The following XPR1 variants were observed in gnomAD, a reference collection of about 807,000 sequenced individuals.
The protein encoded by XPR1 is xenotropic and polytropic retrovirus receptor 1.
A neutral mutation model predicts 87.5 loss-of-function variants in XPR1; 28 were observed. The ratio of observed to expected loss-of-function variants is 0.32; its 90% confidence interval spans 0.24 to 0.44. XPR1 has a LOEUF of 0.44. XPR1 is among the 20% of genes least tolerant of loss of function. The pLI is 1.00. For missense variants in XPR1, 559 were observed against 862.3 expected, an observed-to-expected ratio of 0.65 and a Z score of 4.41; for synonymous variants, 300 against 306.1, an observed-to-expected ratio of 0.98 and a Z score of 0.21.
At chr1:180,649,312 G>A (rs1055016395) in intron 1 of XPR1, among the ~76,000 whole-genome samples, 4 of 151,792 alleles carry the variant, frequency 2.6e-5, no homozygotes, top group Non-Finnish European at 5.9e-5. Flanking sequence ...GGCGCCTGTA[G>A]TCCCAGCTAC....
At chr1:180,810,572 A>G (rs952344522) in intron 6 of XPR1, among the ~76,000 whole-genome samples, 1 of 151,638 alleles carries the variant, frequency 6.6e-6, no homozygotes, top group Admixed American at 6.6e-5. Context: ...GGACGAGACC[A>G]TGTCTCAGAA....
chr1:180,873,873 C>T lies in XPR1; in HGVS notation c.1739C>T (p.Thr580Ile), dbSNP rs1189976305. 1.9e-6 allele frequency: 3 copies of T among 1,614,172 alleles called. No individual in the cohort carries two copies. The Admixed American group carries it at 5.0e-5, about 27-fold the overall frequency. ...RFAWTIQISI[T>I]STTLLPHSGD... The stretch of plus-strand genomic sequence containing the variant: ...GCTTGGACTATCCAAATCTCGATTA[C>T]CTCTACAACTTTGTTGCCTCATTCT... The change falls in exon 13 of 15, where the codon ACC becomes ATC. Residue 580 changes from threonine to isoleucine, a missense_variant. Transcript: ENST00000367590.
chr1:180,812,702 G>A (rs1355381206), intron 7 of XPR1, among the ~76,000 whole-genome samples: 1 of 149,234 alleles, frequency 6.7e-6, no homozygotes, highest in Non-Finnish European at 1.5e-5. Context: ...GGTCTGGGGT[G>A]CAGTGGTCCG....
chr1:180,888,877 A>T lies in XPR1; in HGVS notation c.*4811A>T, dbSNP rs918895236. 2 of 152,348 alleles carry T rather than the reference A, an allele frequency of 1.3e-5. No individual in the cohort carries two copies. Among genetic ancestry groups the T allele is most frequent in the South Asian group, 4.1e-4 (2 of 4,828 alleles). The allele number at this position is 152,348 out of a possible 1,614,324, so 9.4% of individuals were successfully genotyped here. On this transcript the variant is annotated 3_prime_UTR_variant, in exon 15 of 15. Coordinates refer to ENST00000367590, the MANE Select transcript of XPR1 (RefSeq NM_004736.4). ...TTGCACTGGTTGGTGTTACAAACCA[A>T]TGATCTAACCAGCATACTCTCCAAA...
intron 11 of XPR1, among the ~76,000 whole-genome samples, chr1:180,849,834 G>GA (rs935076268): frequency 2.6e-5 from 4 of 152,256 alleles, no homozygotes; most frequent in African/African-American, 9.6e-5. Context: ...AAGCAGAGCA[G>GA]AGACAGTCAA....
intron 2 of XPR1, among the ~76,000 whole-genome samples, chr1:180,782,017 C>T (rs893894414): frequency 6.6e-6 from 1 of 152,106 alleles, no homozygotes; most frequent in South Asian, 2.1e-4. Context: ...ATCAGTCTCT[C>T]TTTCTCTCTC....
chr1:180,676,329 A>G (rs1030874071), intron 1 of XPR1, among the ~76,000 whole-genome samples: 1 of 152,204 alleles, frequency 6.6e-6, no homozygotes, highest in African/African-American at 2.4e-5. Context: ...TTTGCTACAC[A>G]TTCCTACTAT....
intron 2 of XPR1, among the ~76,000 whole-genome samples, chr1:180,722,829 G>A (rs1658218846): frequency 6.6e-6 from 1 of 152,148 alleles, no homozygotes; most frequent in East Asian, 1.9e-4. Flanking sequence ...GTTTTGGACA[G>A]GTGGTATGTT....
intron 2 of XPR1, among the ~76,000 whole-genome samples, chr1:180,785,011 T>TTTGTG (rs1553248230): frequency 7.3e-6 from 1 of 136,280 alleles, no homozygotes; most frequent in Admixed American, 7.7e-5. Flanking sequence ...GTGTGTGTGT[T>TTTGTG]TGTGTGTGTG....
chr1:180,829,180 T>C (rs184140187), intron 9 of XPR1, among the ~76,000 whole-genome samples: 4 of 152,236 alleles, frequency 2.6e-5, no homozygotes, highest in Non-Finnish European at 1.5e-5. Context: ...AAAGTAGAAA[T>C]TAAAACTTCA....
intron 1 of XPR1, among the ~76,000 whole-genome samples, chr1:180,643,090 A>T (rs1340098982): frequency 1.3e-5 from 2 of 152,150 alleles, no homozygotes; most frequent in African/African-American, 4.8e-5. Flanking sequence ...TAAGAAGTTT[A>T]AACATTTTCC....
chr1:180,745,539 C>G (rs546366684), intron 2 of XPR1, among the ~76,000 whole-genome samples: 18 of 152,296 alleles, frequency 1.2e-4, no homozygotes, highest in African/African-American at 4.3e-4. Flanking sequence ...ACTGCCACCA[C>G]TACCACAGGG....
At chr1:180,853,791 G>GTTTTTTT (rs374408714) in intron 11 of XPR1, among the ~76,000 whole-genome samples, 9 of 109,368 alleles carry the variant, frequency 8.2e-5, no homozygotes, top group South Asian at 3.1e-4. Flanking sequence ...CATTCATGTG[G>GTTTTTTT]TTTTTTTTTT....
rs35162664 is a variant in XPR1 at position 180,757,869 on chromosome 1, T to TAAAAAAAAAAAAAAAAAAAA, written c.122-29876_122-29857dup. On this transcript the variant is annotated intron_variant, in intron 2 of 14. Transcript: ENST00000367590. ...TGGTATAAAGATATTGTTGAAAATG[T>TAAAAAAAAAAAAAAAAAAAA]AAAAAAAAAAAAAAAAAAAAAAAAA... Among the ~76,000 whole-genome samples the TAAAAAAAAAAAAAAAAAAAA allele has an allele frequency of 5.0e-5, 2 of 40,060 alleles. 1 individual carries two copies. Among genetic ancestry groups the TAAAAAAAAAAAAAAAAAAAA allele is most frequent in the African/African-American group, 2.0e-4 (2 of 9,764 alleles). The allele number at this position is 40,060 out of a possible 152,430, so 26.3% of individuals were successfully genotyped here. A position where few individuals can be genotyped will look rare whatever the true frequency, so the allele number is the denominator to read the frequency against.
intron 1 of XPR1, among the ~76,000 whole-genome samples, chr1:180,658,967 G>A (rs1354185281): frequency 6.6e-6 from 1 of 152,136 alleles, no homozygotes; most frequent in Non-Finnish European, 1.5e-5. Context: ...ATCTCACTTG[G>A]TTGTGATGAA....
chr1:180,699,209 C>CTTTTTTTTTTTTTT (rs1168669274), intron 2 of XPR1, among the ~76,000 whole-genome samples: 1 of 132,584 alleles, frequency 7.5e-6, no homozygotes, highest in Non-Finnish European at 1.6e-5. Context: ...TTTATTCTTT[C>CTTTTTTTTTTTTTT]TTTTTTTTTT....
chr1:180,816,499 A>G (rs911030427), intron 7 of XPR1, among the ~76,000 whole-genome samples: 8 of 152,168 alleles, frequency 5.3e-5, no homozygotes, highest in African/African-American at 1.7e-4. Context: ...AAATGCTTAC[A>G]TATGTCCACC....
rs982289497 is a variant in XPR1, at chr1:180,863,711, G to A, written c.1505G>A (p.Arg502Gln). Residue 502 changes from arginine (R) to glutamine (Q), a missense_variant, in exon 12 of 15, where the codon CGA becomes CAA. This residue lies in a region of XPR1 where 264 missense variants were observed against 377.2 expected (regional missense o/e 0.70). Coordinates refer to ENST00000367590, the MANE Select transcript of XPR1 (RefSeq NM_004736.4). Reference sequence around the variant, plus strand: ...TCTTTCCCTCTTCTTTCTTCAGAACGAGGTCACTCGGACACTATGGTGTTC... The same window carrying A: ...TCTTTCCCTCTTCTTTCTTCAGAACAAGGTCACTCGGACACTATGGTGTTC... ...FAALYSTHKE[R>Q]GHSDTMVFFY... 9 of 1,559,336 alleles carry A rather than the reference G, an allele frequency of 5.8e-6. No homozygotes were observed. Among genetic ancestry groups the A allele is most frequent in the South Asian group, 1.2e-5 (1 of 80,918 alleles).
At chr1:180,857,278 T>C (rs893551481) in intron 11 of XPR1, among the ~76,000 whole-genome samples, 6 of 152,216 alleles carry the variant, frequency 3.9e-5, no homozygotes, top group Admixed American at 3.3e-4. Context: ...TTTTGTCTTA[T>C]CATCCTGTTC....
Sources: gnomAD v4.1 joint callset for allele counts (sites outside exome capture counted in the v4.1 genomes callset) on GRCh38, gnomAD v4.1.1 for gene constraint, gnomAD v4.1.1 regional missense constraint, MANE v1.5 for transcripts, NCBI Gene and HGNC (gene_info 2026-07-23, HGNC 2026-07-21) for gene names.